The following NFIB variants were observed in gnomAD, a reference collection of about 807,000 sequenced individuals.
NFIB encodes the protein nuclear factor 1 B-type.
Under a neutral mutation model 61.5 loss-of-function variants are expected in NFIB, and 11 were observed. The ratio of observed to expected loss-of-function variants is 0.18; its 90% confidence interval spans 0.11 to 0.30. The LOEUF (loss-of-function observed/expected upper bound fraction) is 0.30. NFIB is among the 10% of genes least tolerant of loss of function. The pLI is 1.00. For synonymous variants in NFIB, 260 were observed against 216.5 expected, an observed-to-expected ratio of 1.20 and a Z score of -1.76; for missense variants, 471 against 608.9, an observed-to-expected ratio of 0.77 and a Z score of 2.38.
chr9:14,244,398 G>C (rs1001307535), intron 2 of NFIB, among the ~76,000 whole-genome samples: 2 of 152,166 alleles, frequency 1.3e-5, no homozygotes, highest in Non-Finnish European at 2.9e-5. Context: ...AATACATTCT[G>C]AATCTGCTGA....
chr9:14,475,387 G>T, the NFIB span, among the ~76,000 whole-genome samples: 1 of 152,168 alleles, frequency 6.6e-6, no homozygotes, highest in Non-Finnish European at 1.5e-5. Flanking sequence ...AGAGGCTATG[G>T]AGCCTGTGTT....
intron 2 of NFIB, among the ~76,000 whole-genome samples, chr9:14,295,019 G>A (rs973547656): frequency 1.3e-4 from 20 of 152,298 alleles, no homozygotes; most frequent in African/African-American, 4.3e-4. Context: ...TCACAGTTTC[G>A]TAAGAAGTAA....
chr9:14,082,347 TA>T lies in NFIB; in HGVS notation c.*5961del, dbSNP rs2032079494. 4.9e-6 allele frequency: 1 copy of T among 204,966 alleles called. No homozygotes were observed. Among genetic ancestry groups the T allele is most frequent in the South Asian group, 1.9e-4 (1 of 5,270 alleles). 12.7% of individuals were successfully genotyped at this position (204,966 alleles called of 1,614,324 possible). ...GACTACTCGTCACCTACAGTTGTAC[TA>T]AATGTATCTAAAGAAACACACAGTC... On this transcript the variant is annotated 3_prime_UTR_variant, in exon 11 of 11. Coordinates refer to ENST00000380953, the MANE Select transcript of NFIB (RefSeq NM_001190737.2).
intron 2 of NFIB, among the ~76,000 whole-genome samples, chr9:14,285,012 A>G (rs13299422): frequency 0.32 from 48,942 of 152,164 alleles, 8,271 homozygotes; most frequent in South Asian, 0.39. Context: ...AAAAAATGAG[A>G]AAGACTGCTT....
intron 1 of NFIB, among the ~76,000 whole-genome samples, chr9:14,350,104 G>C (rs931024654): frequency 6.6e-6 from 1 of 152,138 alleles, no homozygotes; most frequent in East Asian, 1.9e-4. Flanking sequence ...TCCTGGGCCT[G>C]GGAAACCCGG....
intron 2 of NFIB, among the ~76,000 whole-genome samples, chr9:14,284,506 C>T (rs2132467140): frequency 6.6e-6 from 1 of 152,246 alleles, no homozygotes; most frequent in East Asian, 1.9e-4. Flanking sequence ...AAACTCTTAT[C>T]TAAATAATCC....
chr9:14,386,624 CA>C (rs1180851431), intron 1 of NFIB, among the ~76,000 whole-genome samples: 1 of 139,374 alleles, frequency 7.2e-6, no homozygotes, highest in Non-Finnish European at 1.6e-5. Context: ...CAAAATCAAT[CA>C]GTGTTATTAT....
At chr9:14,176,576 A>G (rs754585011) in intron 3 of NFIB, among the ~76,000 whole-genome samples, 1 of 152,228 alleles carries the variant, frequency 6.6e-6, no homozygotes, top group Non-Finnish European at 1.5e-5. Context: ...TAAATATTTT[A>G]TAAAATAATA....
chr9:14,433,151 A>T, the NFIB span, among the ~76,000 whole-genome samples: 1 of 152,160 alleles, frequency 6.6e-6, no homozygotes, highest in African/African-American at 2.4e-5. Context: ...TGACATTTTC[A>T]GGCTGTATTG....
chr9:14,129,406 A>T (rs565905041), intron 6 of NFIB, among the ~76,000 whole-genome samples: 1 of 151,640 alleles, frequency 6.6e-6, no homozygotes, highest in Non-Finnish European at 1.5e-5. Context: ...AAAAAAGACA[A>T]AAAAACAAAA....
chr9:14,125,814 C>T, intron 6 of NFIB, 48 bp from the exon 7 acceptor site: 1 of 1,595,576 alleles, frequency 6.3e-7, no homozygotes, highest in Non-Finnish European at 8.5e-7. Context: ...TTCTTAAGCT[C>T]TAAGGTTCAT....
At chr9:14,410,601 AG>A in the NFIB span, among the ~76,000 whole-genome samples, 1 of 152,238 alleles carries the variant, frequency 6.6e-6, no homozygotes, top group Non-Finnish European at 1.5e-5. Context: ...GGTGGAAGAA[AG>A]TTGAGAGTGA....
chr9:14,399,666 A>G (rs544795097), upstream of NFIB, among the ~76,000 whole-genome samples: 10 of 152,320 alleles, frequency 6.6e-5, no homozygotes, highest in South Asian at 4.1e-4. Context: ...GCCAGAAGTC[A>G]TGTTCAAGTG....
the NFIB span, among the ~76,000 whole-genome samples, chr9:14,499,290 G>T: frequency 6.6e-6 from 1 of 152,158 alleles, no homozygotes; most frequent in African/African-American, 2.4e-5. Context: ...ATGAAGACCG[G>T]GATGGTGGAG....
At chr9:14,280,941 AACTACAAT>A (rs990622671) in intron 2 of NFIB, among the ~76,000 whole-genome samples, 21 of 152,304 alleles carry the variant, frequency 1.4e-4, no homozygotes, top group Admixed American at 5.9e-4. Flanking sequence ...AGATTCATTA[AACTACAAT>A]ACTTCATATG....
At chr9:14,463,872 G>C in the NFIB span, among the ~76,000 whole-genome samples, 1 of 151,964 alleles carries the variant, frequency 6.6e-6, no homozygotes, top group African/African-American at 2.4e-5. Flanking sequence ...GTGTTAGCCA[G>C]GATGGCCTCG....
chr9:14,357,517 A>G (rs148637934), intron 1 of NFIB: 1 of 152,322 alleles, frequency 6.6e-6, no homozygotes, highest in African/African-American at 2.4e-5. Flanking sequence ...AAGAAATAGC[A>G]GGGTTGGAGG....
chr9:14,368,650 C>T (rs1013412222), intron 1 of NFIB, among the ~76,000 whole-genome samples: 1 of 152,214 alleles, frequency 6.6e-6, no homozygotes, highest in Admixed American at 6.5e-5. Context: ...GCTATCTTGA[C>T]TAACTTCAGT....
chr9:14,089,442 A>G (rs1241454064), intron 10 of NFIB, among the ~76,000 whole-genome samples: 1 of 151,864 alleles, frequency 6.6e-6, no homozygotes, highest in Non-Finnish European at 1.5e-5. Flanking sequence ...TATCATATGG[A>G]GGATAAAAAA....
Sources: allele counts gnomAD v4.1 joint callset (sites outside exome capture counted in the v4.1 genomes callset), GRCh38; gene constraint gnomAD v4.1.1; transcripts MANE v1.5; gene names NCBI Gene and HGNC (gene_info 2026-07-23, HGNC 2026-07-21).